The following FBXO44 variants were observed in gnomAD, a reference collection of about 807,000 sequenced individuals.
FBXO44 encodes F-box only protein 44.
A neutral mutation model predicts 33.5 loss-of-function variants in FBXO44; 25 were observed. The ratio of observed to expected loss-of-function variants is 0.75; its 90% confidence interval spans 0.54 to 1.04. FBXO44 has a LOEUF of 1.04. Among genes scored for constraint, FBXO44 ranks in the 50% least tolerant of loss-of-function variants. FBXO44 has a pLI of 0.00. For synonymous variants in FBXO44, 147 were observed against 152.8 expected (o/e 0.96, Z 0.28); for missense variants, 311 against 344.0 (o/e 0.90, Z 0.76).
At chr1:11,654,472 G>A (rs996289653), upstream of FBXO44, 1 of 902,206 alleles carries the variant, frequency 1.1e-6, no homozygotes, top group African/African-American at 1.7e-5. Context: ...CCCCCGACCC[G>A]ACCCGCCCCG....
rs760462829 is a variant in FBXO44 at position 11,658,890 on chromosome 1, C to T, written c.624+19C>T. 8 of 1,602,228 alleles carry T rather than the reference C, an allele frequency of 5.0e-6. No homozygotes were observed. The highest frequency in any genetic ancestry group is 3.3e-5 in the South Asian group (3 of 91,048). ...GAGGGAGGTGCGTGGGCCTGGGGGA[C>T]GGGGGCAGAGGCAGATCGTCCAAGG... On this transcript the variant is annotated intron_variant, in intron 5 of 5. Transcript: ENST00000251547.
In FBXO44 at chr1:11,661,308, G is replaced by C; in HGVS notation, c.*35G>C. 1.2e-6 allele frequency: 2 copies of C among 1,612,314 alleles called. No homozygotes were observed. The highest frequency in any genetic ancestry group is 1.7e-6 in the Non-Finnish European group (2 of 1,178,754). Reference sequence around the variant, plus strand: ...AGCCCCCATCTGCTGAACCCTGACTGGTAAACAACTGCTGTCAGAAAAGGG... The same window carrying C: ...AGCCCCCATCTGCTGAACCCTGACTCGTAAACAACTGCTGTCAGAAAAGGG... On this transcript the variant is annotated 3_prime_UTR_variant, in exon 6 of 6. Coordinates refer to ENST00000251547, the MANE Select transcript of FBXO44 (RefSeq NM_033182.7). The surrounding 1 kb of genome is among the most constrained non-coding windows in gnomAD (Gnocchi z 4.4).
intron 5 of FBXO44, among the ~76,000 whole-genome samples, chr1:11,660,864 C>G (rs765435332): frequency 6.6e-6 from 1 of 152,146 alleles, no homozygotes; most frequent in Non-Finnish European, 1.5e-5. Flanking sequence ...CAGCTCACTG[C>G]AGTCTTGAAC....
At chr1:11,657,279 C>A (rs1639874466) in intron 2 of FBXO44, among the ~76,000 whole-genome samples, 1 of 152,232 alleles carries the variant, frequency 6.6e-6, no homozygotes, top group African/African-American at 2.4e-5. Context: ...TATTTTCGCA[C>A]TTTGCCAAAA....
At chr1:11,660,309 G>GCGC (rs1419955165) in intron 5 of FBXO44, among the ~76,000 whole-genome samples, 2 of 152,158 alleles carry the variant, frequency 1.3e-5, no homozygotes, top group Non-Finnish European at 2.9e-5. Context: ...TTACAGGCAT[G>GCGC]CGCCACCACG....
At position 11,656,094 on chromosome 1, in the gene FBXO44, G is replaced by A. The variant is rs751841244; in HGVS notation, c.259G>A (p.Ala87Thr). 20 of 1,613,362 alleles carry A rather than the reference G, an allele frequency of 1.2e-5. No individual in the cohort carries two copies. In the Admixed American group the frequency reaches 1.7e-4, roughly 13 times the overall value. The change falls in exon 2 of 6, where the codon GCT becomes ACT. Residue 87 changes from alanine (A) to threonine (T), a missense_variant. Ala to Thr is a moderately conservative substitution (Grantham distance 58, BLOSUM62 0). Transcript: ENST00000251547. The stretch of plus-strand genomic sequence containing the variant: ...CAGGAACCTCCTGCACAACCCGTGC[G>A]CTGAAGGTGGGGTACAGGCCGGGTC... The part of the protein sequence containing the change: ...LHRNLLHNPC[A>T]EEGFEFWSLD...
At chr1:11,658,981 C>T (rs1640013926) in intron 5 of FBXO44, 110 bp downstream of exon 5, 3 of 1,374,490 alleles carry the variant, frequency 2.2e-6, no homozygotes, top group Middle Eastern at 2.2e-4. Context: ...CCTGTGCTTC[C>T]AATGCTCTGA....
chr1:11,655,985 G>C lies in FBXO44; in HGVS notation c.150G>C (p.Lys50Asn). Residue 50 changes from lysine (K) to asparagine (N), a missense_variant, in exon 2 of 6, where the codon AAG (lysine) becomes AAC (asparagine). Transcript: ENST00000251547. ...LIDLVTLWKR[K>N]CLREGFITED... ...ACCTCGTGACCCTCTGGAAACGCAA[G>C]TGCCTGCGAGAGGGCTTCATCACTG... 6.2e-7 allele frequency: 1 copy of C among 1,614,178 alleles called. No individual in the cohort carries two copies. The highest frequency in any genetic ancestry group is 8.5e-7 in the Non-Finnish European group (1 of 1,180,042).
In FBXO44 at chr1:11,658,754, T is replaced by G. The variant is rs1359634262; in HGVS notation, c.507T>G (p.Asp169Glu). The part of the protein sequence containing the change: ...EVKDWFAARP[D>E]CGSKYQLCVQ... ...CCTGCAGGTTCGCAGCCAGGCCAGATTGCGGGTCCAAGTACCAGCTGTGCG... is the reference window on the plus strand; with the variant it reads ...CCTGCAGGTTCGCAGCCAGGCCAGAGTGCGGGTCCAAGTACCAGCTGTGCG... Residue 169 changes from aspartate (D) to glutamate (E), a missense_variant, in exon 5 of 6, where the codon GAT (aspartate) becomes GAG (glutamate). Coordinates refer to ENST00000251547, the MANE Select transcript of FBXO44 (RefSeq NM_033182.7). 1 of 1,613,772 alleles carries G rather than the reference T, an allele frequency of 6.2e-7. No individual in the cohort carries two copies. Among genetic ancestry groups the G allele is most frequent in the African/African-American group, 1.3e-5 (1 of 74,922 alleles).
At chr1:11,657,890 C>G (rs1333021960) in intron 2 of FBXO44, among the ~76,000 whole-genome samples, 1 of 152,198 alleles carries the variant, frequency 6.6e-6, no homozygotes, top group Non-Finnish European at 1.5e-5. Flanking sequence ...AGCCCCTATT[C>G]TTACTCCAGT....
At chr1:11,654,550 G>C (rs913525753), upstream of FBXO44, 1 of 400,906 alleles carries the variant, frequency 2.5e-6, no homozygotes, top group Admixed American at 4.6e-5. Flanking sequence ...CGGGGCTGCG[G>C]GTTCCTCAGC....
At chr1:11,656,134 TAC>T (rs1294961267) in intron 2 of FBXO44, 34 bp downstream of exon 2, 1 of 1,605,718 alleles carries the variant, frequency 6.2e-7, no homozygotes, top group Non-Finnish European at 8.5e-7. Flanking sequence ...ATGCCTCCAG[TAC>T]ACAGTCATGA....
Position 11,662,521 on chromosome 1 carries a change from G to A in FBXO44, c.*1248G>A, listed in dbSNP as rs1326013933. The A allele has an allele frequency of 6.6e-6, 1 of 152,288 alleles. No individual in the cohort carries two copies. Among genetic ancestry groups the A allele is most frequent in the Non-Finnish European group, 1.5e-5 (1 of 68,096 alleles). The allele number at this position is 152,288 out of a possible 1,614,324, so 9.4% of individuals were successfully genotyped here. A position where few individuals can be genotyped will look rare whatever the true frequency, so the allele number is the denominator to read the frequency against. On this transcript the variant is annotated 3_prime_UTR_variant, in exon 6 of 6. Coordinates refer to ENST00000251547, the MANE Select transcript of FBXO44 (RefSeq NM_033182.7). ...CCTCTGGAGGCCCAGCCACAGGCTG[G>A]GGTTGGGGTGTGTGGACATCTCTGG... is the stretch of plus-strand genomic sequence containing the variant.
intron 1 of FBXO44, among the ~76,000 whole-genome samples, chr1:11,655,154 C>T (rs1488599482): frequency 3.3e-5 from 5 of 151,602 alleles, no homozygotes; most frequent in Admixed American, 6.6e-5. Context: ...GTACAGGGGT[C>T]CGAGCCCAGA....
Position 11,661,452 on chromosome 1 carries a change from C to T in FBXO44, c.*179C>T, listed in dbSNP as rs1225014231. On this transcript the variant is annotated 3_prime_UTR_variant, in exon 6 of 6. Coordinates refer to ENST00000251547, the MANE Select transcript of FBXO44 (RefSeq NM_033182.7). This position sits in a 1 kb window ranked among gnomAD's most constrained non-coding sequence, Gnocchi z 4.4. ...GCAGCCCTCGCATGCTGGGGTCGGG[C>T]CAGCTCTCCCCGAAAGGTCTTGACC... The T allele has an allele frequency of 2.3e-6, 2 of 872,030 alleles. No homozygotes were observed. Among genetic ancestry groups the T allele is most frequent in the Non-Finnish European group, 1.7e-6 (1 of 585,614 alleles). 54.0% of individuals were successfully genotyped at this position (872,030 alleles called of 1,614,324 possible).
chr1:11,661,519 A>G lies in FBXO44; in HGVS notation c.*246A>G. On this transcript the variant is annotated 3_prime_UTR_variant, in exon 6 of 6. Transcript: ENST00000251547. The surrounding 1 kb of genome is among the most constrained non-coding windows in gnomAD (Gnocchi z 4.4). ...AAGCCTGCGTGTGCCCCTTTCAGAG[A>G]CGGAGCACCTGAGATGTGGGAGGTG... 1.9e-6 allele frequency: 1 copy of G among 521,230 alleles called. No homozygotes were observed. The allele number at this position is 521,230 out of a possible 1,614,324, so 32.3% of individuals were successfully genotyped here.
rs1639663235 is a variant in FBXO44, at chr1:11,654,923, A to AGCTTGGGCGGCCC, written c.-60_-59insGCTTGGGCGGCCC. On this transcript the variant is annotated 5_prime_UTR_variant, in exon 1 of 6. Transcript: ENST00000251547. Reference sequence around the variant, plus strand: ...CCAGGCGGTGCAGCTTGGGCGGCCCAACGGATCGTGCCGCGGCGGCCGAGC... The same window carrying AGCTTGGGCGGCCC: ...CCAGGCGGTGCAGCTTGGGCGGCCCAGCTTGGGCGGCCCACGGATCGTGCCGCGGCGGCCGAGC... 3.0e-5 allele frequency: 4 copies of AGCTTGGGCGGCCC among 133,008 alleles called. No individual in the cohort carries two copies. The highest frequency in any genetic ancestry group is 6.3e-5 in the Non-Finnish European group (4 of 63,564). The allele number at this position is 133,008 out of a possible 1,614,324, so 8.2% of individuals were successfully genotyped here.
At chr1:11,655,098 G>A (rs1370154743) in intron 1 of FBXO44, 146 bp downstream of exon 1, 2 of 152,260 alleles carry the variant, frequency 1.3e-5, no homozygotes, top group Non-Finnish European at 2.9e-5. Context: ...GAGCTTGCCC[G>A]GGCTGCGCTG....
intron 1 of FBXO44, 159 bp from the exon 2 acceptor site, chr1:11,655,647 T>C (rs1639726018): frequency 7.5e-6 from 5 of 670,966 alleles, no homozygotes; most frequent in Non-Finnish European, 1.2e-5. Flanking sequence ...CACCTTTTAT[T>C]AAAGTACCTG....
Sources: allele counts gnomAD v4.1 joint callset (sites outside exome capture counted in the v4.1 genomes callset), GRCh38; gene constraint gnomAD v4.1.1; non-coding constraint Gnocchi (gnomAD v3.1); transcripts MANE v1.5; gene names NCBI Gene and HGNC (gene_info 2026-07-23, HGNC 2026-07-21).